Variants in SIPA1L1 observed in about 807,000 individuals in gnomAD.
SIPA1L1 encodes the protein signal-induced proliferation-associated 1-like protein 1.
In SIPA1L1, 26 loss-of-function variants were observed where a neutral mutation model predicts 162.7. The ratio of observed to expected loss-of-function variants is 0.16; its 90% confidence interval spans 0.12 to 0.22. The LOEUF is 0.22. Among genes scored for constraint, SIPA1L1 ranks in the 10% least tolerant of loss-of-function variants. SIPA1L1 has a pLI of 1.00. For synonymous variants in SIPA1L1, 829 were observed against 837.4 expected, an observed-to-expected ratio of 0.99 and a Z score of 0.17; for missense variants, 1,874 against 2,241.0, an observed-to-expected ratio of 0.84 and a Z score of 3.31.
At chr14:71,327,343 C>G (rs2033956276) in intron 2 of SIPA1L1, among the ~76,000 whole-genome samples, 1 of 152,242 alleles carries the variant, frequency 6.6e-6, no homozygotes, top group Non-Finnish European at 1.5e-5. Context: ...CTCGGCCTCC[C>G]AGTGTGCTGG....
At position 71,703,128 on chromosome 14, in the gene SIPA1L1, C is replaced by T. The variant is rs149869547; in HGVS notation, c.3646+623C>T. 1.2e-4 allele frequency among the ~76,000 whole-genome samples: 19 copies of T among 152,262 alleles called. 1 individual carries two copies. The East Asian group carries it at 3.7e-3, about 29-fold the overall frequency. On this transcript the variant is annotated intron_variant, in intron 15 of 23. Coordinates refer to ENST00000381232, the MANE Select transcript of SIPA1L1 (RefSeq NM_001386936.1). ...AGTGACACCATAACACTAGTTGATA[C>T]AATAACATTTTGCCATGAAACAAGA...
rs2085633619 is a variant in SIPA1L1, at chr14:71,739,810, C to T, written c.*649C>T. ...GAGCAGCTCTGACAGTGCCTGCAGG[C>T]CACACCCCTTCTCAGTCCTGCATTG... On this transcript the variant is annotated 3_prime_UTR_variant, in exon 24 of 24. Coordinates refer to ENST00000381232, the MANE Select transcript of SIPA1L1 (RefSeq NM_001386936.1). 1 of 152,204 alleles carries T rather than the reference C, an allele frequency of 6.6e-6. No homozygotes were observed. The highest frequency in any genetic ancestry group is 2.4e-5 in the African/African-American group (1 of 41,430). The allele number at this position is 152,204 out of a possible 1,614,324, so 9.4% of individuals were successfully genotyped here.
chr14:71,540,055 C>G (rs1236326090), intron 4 of SIPA1L1, among the ~76,000 whole-genome samples: 3 of 152,310 alleles, frequency 2.0e-5, no homozygotes, highest in South Asian at 2.1e-4. Context: ...CAGAAATGCT[C>G]TCTCGCATTT....
At chr14:71,555,103 C>G (rs952467217) in intron 4 of SIPA1L1, among the ~76,000 whole-genome samples, 1 of 152,082 alleles carries the variant, frequency 6.6e-6, no homozygotes, top group African/African-American at 2.4e-5. Flanking sequence ...CTGCATTAGC[C>G]CCTAATAAGA....
At chr14:71,510,184 T>TTC (rs1567126650) in intron 2 of SIPA1L1, among the ~76,000 whole-genome samples, 1 of 140,848 alleles carries the variant, frequency 7.1e-6, no homozygotes, top group African/African-American at 2.7e-5. Context: ...CACCTTTTTT[T>TTC]TTTTTTTTTT....
intron 2 of SIPA1L1, among the ~76,000 whole-genome samples, chr14:71,468,057 T>C (rs2047166659): frequency 6.6e-6 from 1 of 151,694 alleles, no homozygotes. Flanking sequence ...TCTGTCTGTG[T>C]CTGTCTGTCT....
rs763369504 is a variant in SIPA1L1, at chr14:71,672,611, C to G, written c.3093C>G (p.Cys1031Trp). The G allele has an allele frequency of 6.2e-7, 1 of 1,613,554 alleles. No homozygotes were observed. Among genetic ancestry groups the G allele is most frequent in the East Asian group, 2.2e-5 (1 of 44,874 alleles). Reference sequence around the variant, plus strand: ...TCATCATTCCCCCGCATGATGACTGCACCCCGCGGAGGTAGGTCTGAGGAG... The same window carrying G: ...TCATCATTCCCCCGCATGATGACTGGACCCCGCGGAGGTAGGTCTGAGGAG... ...KVVIIPPHDD[C>W]TPRRSCSETY... The change falls in exon 12 of 24, where the codon TGC becomes TGG. Residue 1031 changes from cysteine to tryptophan, a missense_variant. Coordinates refer to ENST00000381232, the MANE Select transcript of SIPA1L1 (RefSeq NM_001386936.1).
chr14:71,645,809 A>G (rs553956838), intron 7 of SIPA1L1, among the ~76,000 whole-genome samples: 1 of 152,346 alleles, frequency 6.6e-6, no homozygotes, highest in South Asian at 2.1e-4. Context: ...TTTTGATGTC[A>G]TGATCCATCA....
chr14:71,725,525 G>GCCC (rs2084153371), intron 19 of SIPA1L1, among the ~76,000 whole-genome samples: 1 of 152,144 alleles, frequency 6.6e-6, no homozygotes, highest in Admixed American at 6.5e-5. Flanking sequence ...CTGAATACCT[G>GCCC]TCCAGTGTGT....
chr14:71,716,988 C>T (rs1345952056), intron 17 of SIPA1L1, among the ~76,000 whole-genome samples: 5 of 152,228 alleles, frequency 3.3e-5, no homozygotes, highest in African/African-American at 9.6e-5. Flanking sequence ...CAACCTCTGC[C>T]GCCCAGGTTC....
At chr14:71,720,122 A>C (rs530912529) in intron 17 of SIPA1L1, among the ~76,000 whole-genome samples, 37 of 152,102 alleles carry the variant, frequency 2.4e-4, no homozygotes, top group Non-Finnish European at 4.4e-4. Flanking sequence ...GCCTTGAAGT[A>C]GTCTTATTTG....
intron 5 of SIPA1L1, 39 bp from the exon 6 acceptor site, chr14:71,618,718 G>A (rs1183644555): frequency 6.3e-7 from 1 of 1,594,676 alleles, no homozygotes; most frequent in Admixed American, 1.7e-5. Flanking sequence ...AAAGTGTTAG[G>A]TAGATTTTCT....
At chr14:71,357,894 AT>A (rs1226716275) in intron 2 of SIPA1L1, among the ~76,000 whole-genome samples, 4 of 151,526 alleles carry the variant, frequency 2.6e-5, no homozygotes, top group East Asian at 1.9e-4. Flanking sequence ...TGCCCAGCTA[AT>A]TTTTTTTTGT....
chr14:71,399,858 T>G (rs1373271199), intron 2 of SIPA1L1, among the ~76,000 whole-genome samples: 2 of 152,118 alleles, frequency 1.3e-5, no homozygotes, highest in Admixed American at 1.3e-4. Context: ...GTAGCTGGTA[T>G]TACAGGTGTA....
intron 22 of SIPA1L1, 35 bp from the exon 23 acceptor site, chr14:71,738,206 C>A (rs2085487011): frequency 7.8e-7 from 1 of 1,281,228 alleles, no homozygotes; most frequent in Non-Finnish European, 1.1e-6. Flanking sequence ...CCATGGAGGC[C>A]CCTGCCAACA....
rs796085100 is a variant in SIPA1L1, at chr14:71,509,675, C to T, written c.-464-3068C>T. Among the ~76,000 whole-genome samples, 5 of 149,278 alleles carry T rather than the reference C, an allele frequency of 3.3e-5. No homozygotes were observed. The South Asian group carries it at 6.3e-4, about 19-fold the overall frequency. On this transcript the variant is annotated intron_variant, in intron 2 of 23. Transcript: ENST00000381232. Reference sequence around the variant, plus strand: ...AGGAGAATTGCTTGAACCCGGGAGGCGGAGGTTGCAGTGAACTGAGATCAC... The same window carrying T: ...AGGAGAATTGCTTGAACCCGGGAGGTGGAGGTTGCAGTGAACTGAGATCAC...
intron 2 of SIPA1L1, among the ~76,000 whole-genome samples, chr14:71,422,884 A>T (rs571263398): frequency 3.2e-4 from 48 of 152,324 alleles, no homozygotes; most frequent in African/African-American, 1.1e-3. Context: ...CTATTAAAAA[A>T]TTTTGATGAA....
At chr14:71,467,999 T>TAG (rs1375001386) in intron 2 of SIPA1L1, among the ~76,000 whole-genome samples, 1 of 137,520 alleles carries the variant, frequency 7.3e-6, no homozygotes, top group African/African-American at 2.7e-5. Flanking sequence ...GAAAAGCAGT[T>TAG]AGAGGGGTGT....
At chr14:71,486,261 A>C (rs1040210082) in intron 2 of SIPA1L1, among the ~76,000 whole-genome samples, 2 of 152,252 alleles carry the variant, frequency 1.3e-5, no homozygotes, top group Non-Finnish European at 2.9e-5. Context: ...CTATCTGACT[A>C]TACAGGGTTC....
Sources: allele counts gnomAD v4.1 joint callset (sites outside exome capture counted in the v4.1 genomes callset), GRCh38; gene constraint gnomAD v4.1.1; transcripts MANE v1.5; gene names NCBI Gene and HGNC (gene_info 2026-07-23, HGNC 2026-07-21).